Variants in PRKCB observed in about 807,000 individuals in gnomAD.
PRKCB encodes protein kinase C beta, also known as protein kinase C beta type.
PRKCB carries 13 observed loss-of-function variants against 81.5 expected under a neutral mutation model. That is an observed-to-expected ratio of 0.16 (90% CI 0.10 to 0.25). The LOEUF (loss-of-function observed/expected upper bound fraction) is 0.25, where lower values mean the gene tolerates loss of function less well. Among genes scored for constraint, PRKCB ranks in the 10% least tolerant of loss-of-function variants. PRKCB has a pLI of 1.00. For synonymous variants in PRKCB, 335 were observed against 321.4 expected, an observed-to-expected ratio of 1.04 and a Z score of -0.45; for missense variants, 509 against 875.7, an observed-to-expected ratio of 0.58 and a Z score of 5.29.
At chr16:23,936,813 G>A (rs1422775380) in intron 2 of PRKCB, among the ~76,000 whole-genome samples, 2 of 152,034 alleles carry the variant, frequency 1.3e-5, no homozygotes, top group African/African-American at 2.4e-5. Context: ...CCAATTTGGG[G>A]CCATTACAAA....
In PRKCB at chr16:24,174,231, G is replaced by A. The variant is rs539883679; in HGVS notation, c.1332-287G>A. Reference sequence around the variant, plus strand: ...GGTCTCACTATGTTGCCCAGCTAGTGAAACTATAATCCTTCATCCAGTTCA... The same window carrying A: ...GGTCTCACTATGTTGCCCAGCTAGTAAAACTATAATCCTTCATCCAGTTCA... On this transcript the variant is annotated intron_variant, in intron 11 of 16. Coordinates refer to ENST00000643927, the MANE Select transcript of PRKCB (RefSeq NM_002738.7). 1.6e-5 allele frequency: 5 copies of A among 303,974 alleles called. No individual in the cohort carries two copies. In the South Asian group the frequency reaches 5.4e-4, roughly 33 times the overall value. The allele number at this position is 303,974 out of a possible 1,614,324, so 18.8% of individuals were successfully genotyped here.
At chr16:23,950,284 C>T (rs1445148479) in intron 2 of PRKCB, among the ~76,000 whole-genome samples, 1 of 152,114 alleles carries the variant, frequency 6.6e-6, no homozygotes, top group African/African-American at 2.4e-5. Flanking sequence ...TAGTGACTCT[C>T]TTCTTAGCTG....
intron 11 of PRKCB, among the ~76,000 whole-genome samples, chr16:24,174,010 C>CT (rs1567401773): frequency 1.3e-5 from 2 of 151,644 alleles, no homozygotes; most frequent in African/African-American, 4.8e-5. Flanking sequence ...ATAATTCTCT[C>CT]TTTTTTGGGG....
chr16:23,887,308 G>C (rs1963218492), intron 2 of PRKCB, among the ~76,000 whole-genome samples: 2 of 152,174 alleles, frequency 1.3e-5, no homozygotes, highest in African/African-American at 4.8e-5. Context: ...CAAATAGTGA[G>C]CATAGTACCC....
chr16:23,980,949 C>T (rs942128060), intron 2 of PRKCB, among the ~76,000 whole-genome samples: 7 of 151,984 alleles, frequency 4.6e-5, no homozygotes, highest in East Asian at 1.9e-4. Context: ...GGGGCAGAAA[C>T]ATCCGAGAGG....
intron 2 of PRKCB, among the ~76,000 whole-genome samples, chr16:23,863,767 A>C (rs1223815361): frequency 6.6e-6 from 1 of 152,166 alleles, no homozygotes; most frequent in Non-Finnish European, 1.5e-5. Context: ...AATTGGTATT[A>C]GTAGACAATG....
rs535322667 is a variant in PRKCB at position 24,124,074 on chromosome 16, GGA to G, written c.1065+101_1065+102del. On this transcript the variant is annotated intron_variant, in intron 9 of 16. Transcript: ENST00000643927. ...TTCCTATGGGACGGACGTCCTAGTGGGAGAGAGAGTAAGAAGTAAATAGAGCC... is the reference window on the plus strand; with the variant it reads ...TTCCTATGGGACGGACGTCCTAGTGGGAGAGAGTAAGAAGTAAATAGAGCC... The G allele has an allele frequency of 1.9e-4, 273 of 1,421,462 alleles. 2 individuals are homozygous for G. In the African/African-American group the frequency reaches 3.6e-3, roughly 19 times the overall value. The allele number at this position is 1,421,462 out of a possible 1,614,324, so 88.1% of individuals were successfully genotyped here.
intron 2 of PRKCB, among the ~76,000 whole-genome samples, chr16:23,977,733 C>G (rs1964644293): frequency 6.6e-6 from 1 of 152,172 alleles, no homozygotes; most frequent in African/African-American, 2.4e-5. Flanking sequence ...AAGCCACAAG[C>G]ATAAATGCTC....
intron 2 of PRKCB, among the ~76,000 whole-genome samples, chr16:23,843,321 C>T (rs1962298732): frequency 6.6e-6 from 1 of 152,110 alleles, no homozygotes; most frequent in African/African-American, 2.4e-5. Flanking sequence ...GAAGCAGACC[C>T]CAGAGACCTG....
At chr16:23,837,452 G>A in intron 2 of PRKCB, 46 bp downstream of exon 2, 1 of 1,585,308 alleles carries the variant, frequency 6.3e-7, no homozygotes, top group Non-Finnish European at 8.6e-7. Context: ...AAGAGAGGGT[G>A]AAAAATACTT....
intron 2 of PRKCB, among the ~76,000 whole-genome samples, chr16:23,906,048 T>C (rs1963555757): frequency 6.6e-6 from 1 of 152,182 alleles, no homozygotes; most frequent in South Asian, 2.1e-4. Context: ...CTCTGTGGGT[T>C]TGACGACGTG....
At chr16:24,001,588 T>C (rs1023465389) in intron 3 of PRKCB, among the ~76,000 whole-genome samples, 1 of 152,224 alleles carries the variant, frequency 6.6e-6, no homozygotes, top group African/African-American at 2.4e-5. Context: ...AAATTGTCAA[T>C]TTTGTCTCAA....
chr16:24,211,827 A>G (rs986356044), intron 16 of PRKCB, among the ~76,000 whole-genome samples: 2 of 152,008 alleles, frequency 1.3e-5, no homozygotes, highest in African/African-American at 2.4e-5. Context: ...CCCAAAGTTC[A>G]GGGATTACAG....
chr16:24,021,044 T>TTCTTTCTTTCTTTC (rs1965367419), intron 3 of PRKCB, among the ~76,000 whole-genome samples: 1 of 77,930 alleles, frequency 1.3e-5, no homozygotes, highest in Admixed American at 1.4e-4. Flanking sequence ...TTCTTTCTCT[T>TTCTTTCTTTCTTTC]TCTTTCTTTC....
At chr16:23,881,467 G>C (rs1963106215) in intron 2 of PRKCB, among the ~76,000 whole-genome samples, 1 of 152,010 alleles carries the variant, frequency 6.6e-6, no homozygotes, top group Non-Finnish European at 1.5e-5. Context: ...GCCCAGGCTG[G>C]TCTTGAACTC....
chr16:23,947,453 C>T (rs1226704745), intron 2 of PRKCB, among the ~76,000 whole-genome samples: 1 of 152,136 alleles, frequency 6.6e-6, no homozygotes, highest in Non-Finnish European at 1.5e-5. Context: ...TTGTCATGTC[C>T]TTTCCCCTTT....
intron 10 of PRKCB, among the ~76,000 whole-genome samples, chr16:24,159,007 C>A (rs1014371174): frequency 6.6e-6 from 1 of 152,158 alleles, no homozygotes; most frequent in East Asian, 1.9e-4. Context: ...CCACCTGACA[C>A]CCCTGGGTTA....
chr16:24,066,075 CTGTGTGTGTGTGTGTGTGTG>C (rs58216806), intron 5 of PRKCB, among the ~76,000 whole-genome samples: 1 of 139,582 alleles, frequency 7.2e-6, no homozygotes, highest in Non-Finnish European at 1.6e-5. Flanking sequence ...TGTGATGTTC[CTGTGTGTGTGTGTGTGTGTG>C]TGTGTGTGTG....
chr16:23,877,935 G>T (rs1567299515), intron 2 of PRKCB, among the ~76,000 whole-genome samples: 1 of 151,978 alleles, frequency 6.6e-6, no homozygotes, highest in African/African-American at 2.4e-5. Context: ...CCAGGGTCAG[G>T]TGATTCTCAT....
Sources: allele counts gnomAD v4.1 joint callset (sites outside exome capture counted in the v4.1 genomes callset), GRCh38; gene constraint gnomAD v4.1.1; transcripts MANE v1.5; gene names NCBI Gene and HGNC (gene_info 2026-07-23, HGNC 2026-07-21).